The following MKRN2 variants were observed in gnomAD, a reference collection of about 807,000 sequenced individuals.
The protein encoded by MKRN2 is E3 ubiquitin-protein ligase makorin-2.
Under a neutral mutation model 45.4 loss-of-function variants are expected in MKRN2, and 32 were observed. The observed-to-expected ratio is 0.70, with a 90% CI of 0.53 to 0.95. The LOEUF is 0.95. Ranked by LOEUF, MKRN2 falls within the 40% of genes least tolerant of loss-of-function variation. MKRN2 has a pLI of 0.00. For synonymous variants in MKRN2, 206 were observed against 192.4 expected, an observed-to-expected ratio of 1.07 and a Z score of -0.59; for missense variants, 526 against 536.7, an observed-to-expected ratio of 0.98 and a Z score of 0.20.
chr3:12,573,404 A>T (rs2058111824), intron 4 of MKRN2, among the ~76,000 whole-genome samples: 1 of 148,662 alleles, frequency 6.7e-6, no homozygotes, highest in African/African-American at 2.5e-5. Flanking sequence ...GTGGTGGTGC[A>T]CACCTGTAGT....
chr3:12,578,311 TC>T (rs2058155268), intron 6 of MKRN2, among the ~76,000 whole-genome samples: 2 of 141,454 alleles, frequency 1.4e-5, no homozygotes, highest in African/African-American at 5.3e-5. Flanking sequence ...AAGAGCTACT[TC>T]TTTTTTTTTT....
At chr3:12,559,270 A>G in intron 1 of MKRN2, among the ~76,000 whole-genome samples, 1 of 152,222 alleles carries the variant, frequency 6.6e-6, no homozygotes, top group Non-Finnish European at 1.5e-5. Context: ...TTTATCTACC[A>G]TCAACTTTTC....
chr3:12,569,037 C>A (rs375205069), intron 2 of MKRN2, 34 bp downstream of exon 2: 2 of 1,591,930 alleles, frequency 1.3e-6, no homozygotes, highest in East Asian at 2.3e-5. Flanking sequence ...AGCTGTGACA[C>A]TGATTTCATT....
In MKRN2 at chr3:12,572,330, T is replaced by A. The variant is rs758375791; in HGVS notation, c.599T>A (p.Val200Asp). ...GTGTGTGAAATCTGTAGGCTGCAAGTCTTGCACCCATTCGACCCAGAGCAG... is the reference window on the plus strand; with the variant it reads ...GTGTGTGAAATCTGTAGGCTGCAAGACTTGCACCCATTCGACCCAGAGCAG... ...GEVCEICRLQ[V>D]LHPFDPEQRK... The change falls in exon 4 of 8, where the codon GTC (valine) becomes GAC (aspartate). Residue 200 changes from valine (V) to aspartate (D), a missense_variant. By Grantham distance (152) the Val-to-Asp change is radical. Transcript: ENST00000170447. 1 of 1,604,224 alleles carries A rather than the reference T, an allele frequency of 6.2e-7. No individual in the cohort carries two copies. Among genetic ancestry groups the A allele is most frequent in the East Asian group, 2.2e-5 (1 of 44,636 alleles).
rs59695838 is a variant in MKRN2 at position 12,569,919 on chromosome 3, C to T, written c.156-152C>T. On this transcript the variant is annotated intron_variant, in intron 2 of 7. Coordinates refer to ENST00000170447, the MANE Select transcript of MKRN2 (RefSeq NM_014160.5). ...GAATTGCCAAGCATCTGTTAATAATCGATAATCCTGTTAGAGTTTAAATAT... is the reference window on the plus strand; with the variant it reads ...GAATTGCCAAGCATCTGTTAATAATTGATAATCCTGTTAGAGTTTAAATAT... 2,757 of 671,304 alleles carry T rather than the reference C, an allele frequency of 4.1e-3. 50 individuals are homozygous for T. In the African/African-American group the frequency reaches 0.045, roughly 11 times the overall value. The allele number at this position is 671,304 out of a possible 1,614,324, so 41.6% of individuals were successfully genotyped here.
At position 12,576,647 on chromosome 3, in the gene MKRN2, C is replaced by G; in HGVS notation, c.874C>G (p.Arg292Gly). ...TTATTTCAGGTCTTGTCCAGAATGC[C>G]GTGTGATATCAGAGTTTGTAATTCC... ...NPIIKSCPEC[R>G]VISEFVIPSV... is the part of the protein sequence containing the mutation. The change falls in exon 6 of 8, where the codon CGT becomes GGT. Residue 292 changes from arginine (R) to glycine (G), a missense_variant. Transcript: ENST00000170447. 1 of 1,602,070 alleles carries G rather than the reference C, an allele frequency of 6.2e-7. No homozygotes were observed. Among genetic ancestry groups the G allele is most frequent in the Non-Finnish European group, 8.5e-7 (1 of 1,169,942 alleles).
rs914838772 is a variant in MKRN2 at position 12,572,112 on chromosome 3, G to GA, written c.382dup (p.Ser128LysfsTer2). ...AAAGGAAGACCCAGCCGAGCATGGT[G>GA]AGTAATCCAGGCAGCTGCAGCGACC... On this transcript the variant is annotated frameshift_variant, in exon 4 of 8. Transcript: ENST00000170447. LOFTEE classifies it high-confidence loss of function. The GA allele has an allele frequency of 1.2e-6, 2 of 1,613,598 alleles. No homozygotes were observed. The highest frequency in any genetic ancestry group is 1.7e-6 in the Non-Finnish European group (2 of 1,179,814).
intron 1 of MKRN2, among the ~76,000 whole-genome samples, chr3:12,564,155 C>T (rs1013045600): frequency 6.6e-6 from 1 of 151,894 alleles, no homozygotes; most frequent in Admixed American, 6.6e-5. Flanking sequence ...CATGTTGATC[C>T]GGCTGGTCTC....
intron 6 of MKRN2, 53 bp downstream of exon 6, chr3:12,576,794 C>G: frequency 7.6e-7 from 1 of 1,313,888 alleles, no homozygotes; most frequent in Non-Finnish European, 1.1e-6. Context: ...GCTCTGCTGT[C>G]AGCCCGTGTC....
rs901662832 is a variant in MKRN2 at position 12,581,955 on chromosome 3, A to G, written c.1113+3A>G. ...TCAGTTCTCAAGGCACTGTGAGGGT[A>G]AGGACTTTAGCCATCTCTAGTTGGG... On this transcript the variant is annotated splice_donor_region_variant and intron_variant, in intron 7 of 7. Coordinates refer to ENST00000170447, the MANE Select transcript of MKRN2 (RefSeq NM_014160.5). 1.2e-6 allele frequency: 2 copies of G among 1,613,902 alleles called. No homozygotes were observed. The highest frequency in any genetic ancestry group is 1.7e-6 in the Non-Finnish European group (2 of 1,179,894).
At chr3:12,576,936 T>TTTGTTTTTTTTG (rs1190045846) in intron 6 of MKRN2, 195 bp downstream of exon 6, 21 of 194,700 alleles carry the variant, frequency 1.1e-4, no homozygotes, top group Admixed American at 2.0e-4. Context: ...TTTTGGTGTT[T>TTTGTTTTTTTTG]TTTTTTTTTT....
At chr3:12,576,146 A>C (rs143569289) in intron 5 of MKRN2, among the ~76,000 whole-genome samples, 1 of 151,294 alleles carries the variant, frequency 6.6e-6, no homozygotes, top group African/African-American at 2.4e-5. Flanking sequence ...CCAGCAATGT[A>C]TGAGGGTTAT....
chr3:12,557,205 G>T, intron 1 of MKRN2, 29 bp downstream of exon 1: 1 of 1,532,462 alleles, frequency 6.5e-7, no homozygotes, highest in Non-Finnish European at 8.8e-7. Flanking sequence ...GGAGCTTCGG[G>T]CCGCTCCCCC....
intron 6 of MKRN2, 192 bp downstream of exon 6, chr3:12,576,933 GTT>G (rs71063832): frequency 8.8e-3 from 493 of 55,880 alleles, no homozygotes; most frequent in South Asian, 0.04. Flanking sequence ...TAGTTTTGGT[GTT>G]TTTTTTTTTT....
In MKRN2 at chr3:12,572,163, G is replaced by A. The variant is rs561540465; in HGVS notation, c.432G>A (p.Pro144=). Residue 144 remains proline, a synonymous_variant, in exon 4 of 8, where the codon CCG becomes CCA. Coordinates refer to ENST00000170447, the MANE Select transcript of MKRN2 (RefSeq NM_014160.5). The part of the protein sequence containing the change: ...SDPQPSPEMK[P]HSYLDAIRSG... Reference sequence around the variant, plus strand: ...CCCAGCCCAGCCCCGAGATGAAGCCGCATTCCTACCTGGATGCCATCAGGA... The same window carrying A: ...CCCAGCCCAGCCCCGAGATGAAGCCACATTCCTACCTGGATGCCATCAGGA... 5.0e-6 allele frequency: 8 copies of A among 1,614,014 alleles called. No individual in the cohort carries two copies. The highest frequency in any genetic ancestry group is 2.7e-5 in the African/African-American group (2 of 74,920).
At chr3:12,560,548 G>A (rs954198347) in intron 1 of MKRN2, among the ~76,000 whole-genome samples, 1 of 151,158 alleles carries the variant, frequency 6.6e-6, no homozygotes, top group Non-Finnish European at 1.5e-5. Context: ...TTGCAAAAGC[G>A]TTTTGCTAAA....
chr3:12,578,572 C>T (rs2058157382), intron 6 of MKRN2, among the ~76,000 whole-genome samples: 1 of 152,104 alleles, frequency 6.6e-6, no homozygotes, highest in South Asian at 2.1e-4. Context: ...CTGCCTCGGC[C>T]TCCCAAAATG....
rs1395044462 is a variant in MKRN2 at position 12,576,749 on chromosome 3, C to G, written c.968+8C>G. On this transcript the variant is annotated splice_region_variant and intron_variant, in intron 6 of 7. Coordinates refer to ENST00000170447, the MANE Select transcript of MKRN2 (RefSeq NM_014160.5). Reference sequence around the variant, plus strand: ...TTTCAAACAGGGGATGGGGTAAGTGCTTTTGAGTTTCGACGTGCCCCTGCT... The same window carrying G: ...TTTCAAACAGGGGATGGGGTAAGTGGTTTTGAGTTTCGACGTGCCCCTGCT... 6.3e-7 allele frequency: 1 copy of G among 1,576,724 alleles called. No homozygotes were observed. Among genetic ancestry groups the G allele is most frequent in the Non-Finnish European group, 8.7e-7 (1 of 1,147,454 alleles).
intron 1 of MKRN2, among the ~76,000 whole-genome samples, chr3:12,564,650 C>T (rs1204809128): frequency 6.6e-6 from 1 of 152,026 alleles, no homozygotes; most frequent in African/African-American, 2.4e-5. Context: ...TAAAATTTAC[C>T]TGTTTGAAGT....
Sources: gnomAD v4.1 joint callset for allele counts (sites outside exome capture counted in the v4.1 genomes callset) on GRCh38, gnomAD v4.1.1 for gene constraint, MANE v1.5 for transcripts, NCBI Gene and HGNC (gene_info 2026-07-23, HGNC 2026-07-21) for gene names.